BLTP1: variants seen among roughly 807,000 people sequenced by gnomAD.
BLTP1 encodes the protein fragile site-associated protein.
chr4:122,209,066 C>G, the BLTP1 span: 1 of 1,228,166 alleles, frequency 8.1e-7, no homozygotes, highest in Non-Finnish European at 1.0e-6. Flanking sequence ...AAACTTATTT[C>G]CAAGATTGTT....
the BLTP1 span, chr4:122,256,059 G>A: frequency 1.0e-6 from 1 of 983,398 alleles, no homozygotes; most frequent in Non-Finnish European, 1.2e-6. Flanking sequence ...CTCTGCCTCT[G>A]GAAAAGCAGA....
At chr4:122,184,670 T>C in the BLTP1 span, 1 of 984,508 alleles carries the variant, frequency 1.0e-6, no homozygotes, top group Admixed American at 6.2e-5. Context: ...AAAACATTCA[T>C]AGCAGTTGCT....
the BLTP1 span, chr4:122,264,455 T>C: frequency 1.3e-6 from 2 of 1,559,398 alleles, no homozygotes; most frequent in African/African-American, 1.4e-5. Flanking sequence ...TTCCTAATTA[T>C]AATAATACCT....
At chr4:122,262,791 T>C in the BLTP1 span, 1 of 1,611,414 alleles carries the variant, frequency 6.2e-7, no homozygotes, top group Non-Finnish European at 8.5e-7. Context: ...TTCTCTGAGC[T>C]ATACCAGTGG....
chr4:122,237,484 T>C, the BLTP1 span: 4 of 592,232 alleles, frequency 6.8e-6, no homozygotes, highest in South Asian at 7.5e-5. Flanking sequence ...CCTGTCAACA[T>C]TGAACTTTTA....
chr4:122,256,258 AC>A, the BLTP1 span: 1 of 759,050 alleles, frequency 1.3e-6, no homozygotes, highest in African/African-American at 1.9e-5. Flanking sequence ...AGACACTTAG[AC>A]CTAAGGCTGG....
At chr4:122,292,313 C>T in the BLTP1 span, 8 of 929,616 alleles carry the variant, frequency 8.6e-6, no homozygotes, top group Admixed American at 6.2e-5. Flanking sequence ...AATGAACAGA[C>T]ACAAAGCCAT....
At chr4:122,188,331 C>T in the BLTP1 span, 1 of 463,406 alleles carries the variant, frequency 2.2e-6, no homozygotes, top group South Asian at 9.4e-5. Flanking sequence ...ATCCTTTTCT[C>T]CTTCTAATTG....
chr4:122,333,320 A>T, the BLTP1 span: 1 of 100,088 alleles, frequency 1.0e-5, no homozygotes, highest in Non-Finnish European at 2.0e-5. Context: ...AATGATTGCC[A>T]TTCTAACTGG....
At chr4:122,175,991 T>C in the BLTP1 span, 1 of 792,088 alleles carries the variant, frequency 1.3e-6, no homozygotes, top group Non-Finnish European at 2.2e-6. Flanking sequence ...TAAAATTAGA[T>C]ATGACCAGTT....
At chr4:122,243,858 C>T in the BLTP1 span, 2 of 1,579,562 alleles carry the variant, frequency 1.3e-6, no homozygotes, top group Non-Finnish European at 1.7e-6. Flanking sequence ...GTATAGTACG[C>T]CGTATACTCC....
the BLTP1 span, among the ~76,000 whole-genome samples, chr4:122,354,789 C>T: frequency 7.2e-5 from 11 of 151,766 alleles, no homozygotes; most frequent in African/African-American, 2.4e-4. Flanking sequence ...GCCTCAGCCT[C>T]CTGAGTAGCT....
chr4:122,210,150 C>A, the BLTP1 span: 1 of 272,532 alleles, frequency 3.7e-6, no homozygotes, highest in Non-Finnish European at 5.6e-6. Flanking sequence ...ATGTTTAATC[C>A]TTATAACAAC....
At chr4:122,251,238 AG>A in the BLTP1 span, 1 of 870,200 alleles carries the variant, frequency 1.1e-6, no homozygotes. Flanking sequence ...TGAAGGGCTT[AG>A]CTCAGTATGT....
the BLTP1 span, among the ~76,000 whole-genome samples, chr4:122,167,167 A>G: frequency 1.0e-3 from 156 of 152,278 alleles, no homozygotes; most frequent in African/African-American, 3.7e-3. Flanking sequence ...CATATACGGT[A>G]CATAAATACA....
chr4:122,287,951 TA>T, the BLTP1 span, among the ~76,000 whole-genome samples: 1 of 152,170 alleles, frequency 6.6e-6, no homozygotes, highest in Admixed American at 6.5e-5. Flanking sequence ...GTGTATTGTA[TA>T]ATTCCTTGCT....
chr4:122,167,406 A>G, the BLTP1 span, among the ~76,000 whole-genome samples: 1 of 151,406 alleles, frequency 6.6e-6, no homozygotes, highest in Admixed American at 6.6e-5. Flanking sequence ...CTGCATGGAA[A>G]CCCTACTTAG....
At chr4:122,278,174 T>TA in the BLTP1 span, among the ~76,000 whole-genome samples, 9 of 151,834 alleles carry the variant, frequency 5.9e-5, no homozygotes, top group Non-Finnish European at 5.9e-5. Flanking sequence ...ATTAAAGATA[T>TA]AAAAAAAATA....
the BLTP1 span, chr4:122,266,931 A>G: frequency 6.3e-7 from 1 of 1,593,750 alleles, no homozygotes; most frequent in Non-Finnish European, 8.5e-7. Context: ...GACACAGCCA[A>G]AGAGAGAAAA....
Sources: allele counts gnomAD v4.1 joint callset (sites outside exome capture counted in the v4.1 genomes callset), GRCh38; gene constraint gnomAD v4.1.1; transcripts MANE v1.5; gene names NCBI Gene and HGNC (gene_info 2026-07-23, HGNC 2026-07-21).